The following CNKSR3 variants were observed in gnomAD, a reference collection of about 807,000 sequenced individuals.
CNKSR3 encodes CNKSR family member 3, also known as connector enhancer of kinase suppressor of ras 3.
A neutral mutation model predicts 67.7 loss-of-function variants in CNKSR3; 36 were observed. That is an observed-to-expected ratio of 0.53 (90% CI 0.41 to 0.70). CNKSR3 has a LOEUF of 0.70. Among genes scored for constraint, CNKSR3 ranks in the 30% least tolerant of loss-of-function variants. The pLI is 0.00. For missense variants in CNKSR3, 630 were observed against 695.2 expected, an observed-to-expected ratio of 0.91 and a Z score of 1.05; for synonymous variants, 281 against 271.4, an observed-to-expected ratio of 1.04 and a Z score of -0.35.
intron 4 of CNKSR3, among the ~76,000 whole-genome samples, chr6:154,435,911 G>T (rs778534265): frequency 3.3e-5 from 5 of 152,264 alleles, no homozygotes; most frequent in Non-Finnish European, 5.9e-5. Flanking sequence ...GATTTGCTGA[G>T]AATTCGGTGT....
intron 3 of CNKSR3, 87 bp from the exon 4 acceptor site, chr6:154,441,466 G>T: frequency 1.1e-6 from 1 of 919,308 alleles, no homozygotes. Context: ...GCTACCCCAT[G>T]GGCTACTCTA....
chr6:154,411,430 T>C (rs1784908949), intron 10 of CNKSR3, among the ~76,000 whole-genome samples: 1 of 152,082 alleles, frequency 6.6e-6, no homozygotes, highest in Non-Finnish European at 1.5e-5. Context: ...GTGGATCACC[T>C]GAGGTCAGGA....
At chr6:154,456,350 A>G (rs1056397581) in intron 1 of CNKSR3, among the ~76,000 whole-genome samples, 3 of 151,606 alleles carry the variant, frequency 2.0e-5, no homozygotes, top group African/African-American at 7.3e-5. Context: ...AAATTCAGAA[A>G]TCAGTTTAGC....
At position 154,405,199 on chromosome 6, in the gene CNKSR3, C is replaced by T. The variant is rs958840673; in HGVS notation, c.*1155G>A. 1 of 152,596 alleles carries T rather than the reference C, an allele frequency of 6.6e-6. No individual in the cohort carries two copies. The highest frequency in any genetic ancestry group is 1.5e-5 in the Non-Finnish European group (1 of 68,034). The allele number at this position is 152,596 out of a possible 1,614,324, so 9.5% of individuals were successfully genotyped here. A position where few individuals can be genotyped will look rare whatever the true frequency, so the allele number is the denominator to read the frequency against. On this transcript the variant is annotated 3_prime_UTR_variant, in exon 13 of 13. Transcript: ENST00000607772. ...TTTAACAATACTGCCCTGCTGGCAA[C>T]AGCCACGATAGTCACTTGCTCATCT...
At chr6:154,461,849 C>G (rs1474425689) in intron 1 of CNKSR3, among the ~76,000 whole-genome samples, 1 of 152,154 alleles carries the variant, frequency 6.6e-6, no homozygotes, top group Non-Finnish European at 1.5e-5. Context: ...AGAGCATGAA[C>G]CCAGCATGGG....
chr6:154,446,337 G>A (rs758430302), intron 2 of CNKSR3, among the ~76,000 whole-genome samples: 1 of 152,162 alleles, frequency 6.6e-6, no homozygotes, highest in African/African-American at 2.4e-5. Context: ...GTGATCTAAC[G>A]TGTGATTAAG....
At chr6:154,424,015 G>A (rs1361657434) in intron 7 of CNKSR3, among the ~76,000 whole-genome samples, 2 of 151,936 alleles carry the variant, frequency 1.3e-5, no homozygotes, top group African/African-American at 4.8e-5. Context: ...GGCGGATCAC[G>A]AGGTCAGGAG....
intron 1 of CNKSR3, among the ~76,000 whole-genome samples, chr6:154,456,794 G>A (rs1044895253): frequency 6.7e-6 from 1 of 149,290 alleles, no homozygotes; most frequent in Admixed American, 6.7e-5. Context: ...GCTCTTCCAC[G>A]AGGAGAATCA....
chr6:154,473,586 T>C (rs1054215342), intron 1 of CNKSR3, among the ~76,000 whole-genome samples: 2 of 152,082 alleles, frequency 1.3e-5, no homozygotes, highest in African/African-American at 2.4e-5. Context: ...AGTGAGCGCA[T>C]GCATTTAGGG....
chr6:154,465,308 C>CA (rs1197451969), intron 1 of CNKSR3, among the ~76,000 whole-genome samples: 3 of 150,720 alleles, frequency 2.0e-5, no homozygotes, highest in Non-Finnish European at 4.4e-5. Flanking sequence ...AAGAAGAACT[C>CA]AAATTTCCTC....
intron 1 of CNKSR3, among the ~76,000 whole-genome samples, chr6:154,481,622 A>G (rs1786568812): frequency 6.6e-6 from 1 of 152,210 alleles, no homozygotes; most frequent in South Asian, 2.1e-4. Context: ...CCTGAGAATG[A>G]CATCATCCTT....
chr6:154,430,469 T>C lies in CNKSR3; in HGVS notation c.669+3A>G. ...AAATAAAACAAGTGTTATTAGAACT[T>C]ACCAGGCCTTCCCCAGGTTTAATGT... On this transcript the variant is annotated splice_donor_region_variant and intron_variant, in intron 6 of 12. Transcript: ENST00000607772. The C allele has an allele frequency of 6.2e-7, 1 of 1,607,330 alleles. No homozygotes were observed. The highest frequency in any genetic ancestry group is 8.5e-7 in the Non-Finnish European group (1 of 1,178,078).
chr6:154,468,978 G>C (rs1319041915), intron 1 of CNKSR3, among the ~76,000 whole-genome samples: 1 of 152,190 alleles, frequency 6.6e-6, no homozygotes, highest in African/African-American at 2.4e-5. Context: ...CTAAGATCGT[G>C]CCACTGCACT....
At chr6:154,426,181 T>C (rs1379465984) in intron 7 of CNKSR3, among the ~76,000 whole-genome samples, 2 of 152,078 alleles carry the variant, frequency 1.3e-5, no homozygotes, top group Non-Finnish European at 2.9e-5. Context: ...TAGCCACCAC[T>C]CCCTGAGACG....
intron 9 of CNKSR3, among the ~76,000 whole-genome samples, chr6:154,417,726 C>T (rs1218781943): frequency 6.6e-6 from 1 of 152,046 alleles, no homozygotes; most frequent in Non-Finnish European, 1.5e-5. Context: ...AAGACACAGA[C>T]ATATATGGAG....
At chr6:154,428,087 A>T (rs963089570) in intron 7 of CNKSR3, 41 bp downstream of exon 7, 2 of 1,308,098 alleles carry the variant, frequency 1.5e-6, no homozygotes, top group African/African-American at 1.4e-5. Context: ...AAATCTGTTT[A>T]AACACACAAC....
At chr6:154,424,610 C>G (rs1015311730) in intron 7 of CNKSR3, among the ~76,000 whole-genome samples, 3 of 152,218 alleles carry the variant, frequency 2.0e-5, no homozygotes, top group Non-Finnish European at 4.4e-5. Context: ...CAGCCCTAAA[C>G]TGTAGAAATA....
chr6:154,463,364 C>T (rs960531042), intron 1 of CNKSR3, among the ~76,000 whole-genome samples: 3 of 152,158 alleles, frequency 2.0e-5, no homozygotes, highest in Non-Finnish European at 1.5e-5. Flanking sequence ...TGAGCCACCG[C>T]GCCCGGCTTC....
intron 9 of CNKSR3, among the ~76,000 whole-genome samples, chr6:154,416,053 G>A (rs150729127): frequency 3.9e-4 from 59 of 152,252 alleles, no homozygotes; most frequent in African/African-American, 1.2e-3. Context: ...GTCTGAGGCA[G>A]GTAGATCACT....
Sources: allele counts gnomAD v4.1 joint callset (sites outside exome capture counted in the v4.1 genomes callset), GRCh38; gene constraint gnomAD v4.1.1; transcripts MANE v1.5; gene names NCBI Gene and HGNC (gene_info 2026-07-23, HGNC 2026-07-21).